The following MED27 variants were observed in gnomAD, a reference collection of about 807,000 sequenced individuals.
MED27 encodes the protein mediator of RNA polymerase II transcription subunit 27.
A neutral mutation model predicts 38.2 loss-of-function variants in MED27; 30 were observed. The observed-to-expected ratio is 0.79, with a 90% CI of 0.59 to 1.07. MED27 has a LOEUF of 1.07. Among genes scored for constraint, MED27 ranks in the 50% least tolerant of loss-of-function variants. The pLI is 0.00. For synonymous variants in MED27, 122 were observed against 153.5 expected, an observed-to-expected ratio of 0.79 and a Z score of 1.52; for missense variants, 289 against 397.5, an observed-to-expected ratio of 0.73 and a Z score of 2.32.
chr9:131,929,759 C>T (rs1296742162), intron 4 of MED27, among the ~76,000 whole-genome samples: 1 of 152,156 alleles, frequency 6.6e-6, no homozygotes, highest in Non-Finnish European at 1.5e-5. Flanking sequence ...AGGTTTTTGA[C>T]TCCAATCCCT....
intron 4 of MED27, among the ~76,000 whole-genome samples, chr9:131,933,025 A>T: frequency 6.6e-6 from 1 of 152,136 alleles, no homozygotes; most frequent in Non-Finnish European, 1.5e-5. Context: ...CCATGCGATC[A>T]TTTCAATTGA....
At chr9:132,011,237 TA>T (rs1220388220) in intron 3 of MED27, among the ~76,000 whole-genome samples, 3 of 151,996 alleles carry the variant, frequency 2.0e-5, no homozygotes, top group Admixed American at 6.6e-5. Flanking sequence ...TTTATTGCTT[TA>T]AAAAAACTAT....
chr9:132,021,005 T>G (rs1462298918), intron 2 of MED27, among the ~76,000 whole-genome samples: 1 of 152,186 alleles, frequency 6.6e-6, no homozygotes, highest in Non-Finnish European at 1.5e-5. Flanking sequence ...CTCCTTCAAT[T>G]ACTAGGAAAG....
At chr9:132,005,919 G>A (rs1441235178) in intron 3 of MED27, among the ~76,000 whole-genome samples, 1 of 152,174 alleles carries the variant, frequency 6.6e-6, no homozygotes, top group Non-Finnish European at 1.5e-5. Context: ...GCAATGGAGA[G>A]AAAAGATTTC....
chr9:132,035,865 T>G (rs1457606286), intron 2 of MED27, among the ~76,000 whole-genome samples: 1 of 152,040 alleles, frequency 6.6e-6, no homozygotes, highest in Admixed American at 6.5e-5. Context: ...CTTGGGAGGC[T>G]GAGATGGAAG....
At chr9:131,933,998 A>T (rs1292324691) in intron 4 of MED27, among the ~76,000 whole-genome samples, 1 of 152,190 alleles carries the variant, frequency 6.6e-6, no homozygotes, top group Non-Finnish European at 1.5e-5. Context: ...CTCATTTTTG[A>T]CAAAGATGCC....
intron 3 of MED27, among the ~76,000 whole-genome samples, chr9:131,975,000 G>T (rs1589244190): frequency 6.6e-6 from 1 of 152,132 alleles, no homozygotes; most frequent in East Asian, 1.9e-4. Context: ...TTCTCTACCT[G>T]ATATGCTCAG....
chr9:132,066,747 C>T (rs955045342), intron 2 of MED27, among the ~76,000 whole-genome samples: 10 of 152,204 alleles, frequency 6.6e-5, no homozygotes, highest in Non-Finnish European at 1.5e-4. Context: ...AAACAGATGC[C>T]CCAGCTCCCC....
intron 5 of MED27, 51 bp downstream of exon 5, chr9:131,893,834 T>G (rs1829769092): frequency 7.6e-7 from 1 of 1,319,850 alleles, no homozygotes; most frequent in Admixed American, 1.7e-5. Flanking sequence ...CGACTACACT[T>G]GTTCTGGGAT....
intron 4 of MED27, among the ~76,000 whole-genome samples, chr9:131,907,628 C>T (rs1283296756): frequency 9.2e-5 from 14 of 152,120 alleles, no homozygotes; most frequent in Admixed American, 9.2e-4. Context: ...GCAGCCTCTG[C>T]CCGGCCGCCA....
At chr9:131,938,694 TAA>T (rs1481858620) in intron 4 of MED27, among the ~76,000 whole-genome samples, 1 of 152,038 alleles carries the variant, frequency 6.6e-6, no homozygotes, top group Admixed American at 6.6e-5. Context: ...GGTTTTATAT[TAA>T]GAGAGTGTTT....
chr9:131,938,916 T>C (rs972996157), intron 4 of MED27, among the ~76,000 whole-genome samples: 2 of 152,054 alleles, frequency 1.3e-5, no homozygotes, highest in African/African-American at 4.8e-5. Context: ...GGTTTCACTG[T>C]GTTAGCCAGG....
intron 3 of MED27, among the ~76,000 whole-genome samples, chr9:131,949,195 T>C (rs1018288091): frequency 2.0e-5 from 3 of 152,164 alleles, no homozygotes; most frequent in African/African-American, 7.2e-5. Context: ...TCCTCAACAA[T>C]GACTGTGTTC....
chr9:132,045,749 A>G (rs1388337413), intron 2 of MED27, among the ~76,000 whole-genome samples: 1 of 152,228 alleles, frequency 6.6e-6, no homozygotes, highest in Admixed American at 6.5e-5. Flanking sequence ...TTTGCTGCCC[A>G]GCTAAAACAC....
intron 2 of MED27, among the ~76,000 whole-genome samples, chr9:132,026,939 C>T (rs149745443): frequency 8.5e-5 from 13 of 152,330 alleles, no homozygotes; most frequent in Admixed American, 5.9e-4. Context: ...AGACGTTAAG[C>T]GGCAGGGTCA....
In MED27 at chr9:132,020,653, T is replaced by C. The variant is rs148717015; in HGVS notation, c.349-6186A>G. On this transcript the variant is annotated intron_variant, in intron 2 of 7. Transcript: ENST00000292035. ...AATGAGAAAGAATCATGTATTACAA[T>C]AGAGTTCTGGTTCTTCTTTTGAACA... Among the ~76,000 whole-genome samples the C allele has an allele frequency of 7.4e-4, 112 of 152,306 alleles. 2 individuals carry two copies. The East Asian group carries it at 0.021, about 29-fold the overall frequency.
chr9:131,865,541 C>T (rs927119566), intron 6 of MED27, among the ~76,000 whole-genome samples: 3 of 152,200 alleles, frequency 2.0e-5, no homozygotes, highest in Non-Finnish European at 4.4e-5. Context: ...TCTTTCCCCT[C>T]ACCCCCTTTA....
chr9:131,893,771 T>C, intron 5 of MED27, 114 bp downstream of exon 5: 1 of 714,004 alleles, frequency 1.4e-6, no homozygotes, highest in Non-Finnish European at 2.5e-6. Context: ...AATCTATGTT[T>C]GCTGATCATT....
At chr9:132,033,701 G>C (rs1333023966) in intron 2 of MED27, among the ~76,000 whole-genome samples, 1 of 152,178 alleles carries the variant, frequency 6.6e-6, no homozygotes, top group African/African-American at 2.4e-5. Context: ...GTGTGGATTT[G>C]GGCTTTTTGT....
Sources: gnomAD v4.1 joint callset for allele counts (sites outside exome capture counted in the v4.1 genomes callset) on GRCh38, gnomAD v4.1.1 for gene constraint, MANE v1.5 for transcripts, NCBI Gene and HGNC (gene_info 2026-07-23, HGNC 2026-07-21) for gene names.